The following PARD3B variants were observed in gnomAD, a reference collection of about 807,000 sequenced individuals.
The protein encoded by PARD3B is partitioning defective 3 homolog B.
Under a neutral mutation model 130.2 loss-of-function variants are expected in PARD3B, and 103 were observed. The observed-to-expected ratio is 0.79, with a 90% CI of 0.67 to 0.93. The LOEUF (loss-of-function observed/expected upper bound fraction) is 0.93. Ranked by LOEUF, PARD3B falls within the 40% of genes least tolerant of loss-of-function variation. PARD3B has a pLI of 0.00. For synonymous variants in PARD3B, 583 were observed against 553.2 expected, an observed-to-expected ratio of 1.05 and a Z score of -0.76; for missense variants, 1,609 against 1,499.2, an observed-to-expected ratio of 1.07 and a Z score of -1.21.
At chr2:204,554,283 G>A (rs968146206) in intron 1 of PARD3B, among the ~76,000 whole-genome samples, 5 of 152,012 alleles carry the variant, frequency 3.3e-5, no homozygotes, top group African/African-American at 1.2e-4. Context: ...TGTCTTCCCT[G>A]AACTGCCAGC....
chr2:205,416,961 G>T (rs1161546722), intron 19 of PARD3B, among the ~76,000 whole-genome samples: 3 of 151,952 alleles, frequency 2.0e-5, no homozygotes, highest in African/African-American at 7.3e-5. Context: ...TTAAGTTCTA[G>T]GGTACATGTG....
In PARD3B at chr2:205,550,972, TATATACACACACAC is replaced by T. The variant is rs1559207099; in HGVS notation, c.3181-2350_3181-2337del. On this transcript the variant is annotated intron_variant, in intron 21 of 22. Coordinates refer to ENST00000406610, the MANE Select transcript of PARD3B (RefSeq NM_001302769.2). This position sits in a 1 kb window ranked among gnomAD's most constrained non-coding sequence, Gnocchi z 4.5. ...ATATATGTGTATATATATATATATA[TATATACACACACAC>T]ACACACACACACACACATAATCTGT... 1.9e-5 allele frequency among the ~76,000 whole-genome samples: 2 copies of T among 103,594 alleles called. No individual in the cohort carries two copies. Among genetic ancestry groups the T allele is most frequent in the Admixed American group, 9.5e-5 (1 of 10,574 alleles). The allele number at this position is 103,594 out of a possible 152,430, so 68.0% of individuals were successfully genotyped here. A position where few individuals can be genotyped will look rare whatever the true frequency, so the allele number is the denominator to read the frequency against.
intron 2 of PARD3B, among the ~76,000 whole-genome samples, chr2:204,853,508 T>G (rs1195938157): frequency 6.6e-6 from 1 of 152,176 alleles, no homozygotes; most frequent in Admixed American, 6.5e-5. Context: ...CCACTTTCAT[T>G]ATACAGAATA....
intron 2 of PARD3B, among the ~76,000 whole-genome samples, chr2:204,925,740 A>G (rs1687562718): frequency 6.6e-6 from 1 of 152,010 alleles, no homozygotes; most frequent in Admixed American, 6.6e-5. Context: ...CCCTACTGAT[A>G]TGGTTTGGCT....
intron 22 of PARD3B, among the ~76,000 whole-genome samples, chr2:205,602,754 TTTC>T (rs1340387368): frequency 1.3e-5 from 2 of 152,098 alleles, no homozygotes; most frequent in South Asian, 2.1e-4. Context: ...TGAGTCTTCT[TTTC>T]TTCTTTATTA....
chr2:204,908,067 A>G (rs866156267), intron 2 of PARD3B, among the ~76,000 whole-genome samples: 13 of 152,260 alleles, frequency 8.5e-5, no homozygotes, highest in Non-Finnish European at 1.3e-4. Context: ...TACAAATTAC[A>G]TTGTTACCAG....
chr2:205,076,621 G>A (rs187347108), intron 4 of PARD3B, among the ~76,000 whole-genome samples: 12 of 152,236 alleles, frequency 7.9e-5, no homozygotes, highest in African/African-American at 1.9e-4. Context: ...CACTGCCTGC[G>A]CTCAGGCTCC....
intron 2 of PARD3B, among the ~76,000 whole-genome samples, chr2:204,900,957 T>C (rs1483101776): frequency 1.3e-5 from 2 of 152,114 alleles, no homozygotes; most frequent in African/African-American, 2.4e-5. Context: ...CTTCCCTTAT[T>C]TTCTCCCAAA....
At chr2:205,284,247 A>G (rs997019841) in intron 16 of PARD3B, among the ~76,000 whole-genome samples, 4 of 152,178 alleles carry the variant, frequency 2.6e-5, no homozygotes, top group Admixed American at 2.6e-4. Flanking sequence ...GAGGTTCATT[A>G]TCCTTTTCCA....
chr2:205,024,328 C>T (rs966394958), intron 3 of PARD3B, among the ~76,000 whole-genome samples: 1 of 151,550 alleles, frequency 6.6e-6, no homozygotes, highest in African/African-American at 2.4e-5. Context: ...CCCACCACAC[C>T]CGGCTAATTT....
chr2:205,368,265 ATT>A (rs2044681154), intron 18 of PARD3B, among the ~76,000 whole-genome samples: 1 of 152,210 alleles, frequency 6.6e-6, no homozygotes, highest in African/African-American at 2.4e-5. Flanking sequence ...AGGATTTTGT[ATT>A]TCCACTTGAA....
At chr2:204,861,924 CAA>C (rs60473341) in intron 2 of PARD3B, among the ~76,000 whole-genome samples, 2,221 of 33,890 alleles carry the variant, frequency 0.066, 16 homozygotes, top group East Asian at 0.23. Flanking sequence ...AGACATTTCT[CAA>C]AAAAAAAAAA....
intron 4 of PARD3B, among the ~76,000 whole-genome samples, chr2:205,088,334 T>A (rs1171766659): frequency 1.3e-5 from 2 of 152,220 alleles, no homozygotes; most frequent in African/African-American, 4.8e-5. Flanking sequence ...AGACTAGATC[T>A]AGATGCATGA....
intron 1 of PARD3B, among the ~76,000 whole-genome samples, chr2:204,658,758 A>G (rs1355275234): frequency 1.3e-5 from 2 of 152,174 alleles, no homozygotes; most frequent in African/African-American, 4.8e-5. Context: ...AGCTTCTAAT[A>G]TTAATAAAAA....
chr2:205,142,738 C>T lies in PARD3B; in HGVS notation c.1435-15984C>T, dbSNP rs1310835238. ...ACTAAAAATACAAAAATTAGCCAGG[C>T]GTGGTGGTGCGTGCCTGTAATCCCA... On this transcript the variant is annotated intron_variant, in intron 10 of 22. Coordinates refer to ENST00000406610, the MANE Select transcript of PARD3B (RefSeq NM_001302769.2). The surrounding 1 kb of genome is among the most constrained non-coding windows in gnomAD (Gnocchi z 4.3). Among the ~76,000 whole-genome samples the T allele has an allele frequency of 3.3e-5, 5 of 151,822 alleles. No homozygotes were observed. The highest frequency in any genetic ancestry group is 7.3e-5 in the African/African-American group (3 of 41,318).
chr2:204,599,525 T>A (rs2033424662), intron 1 of PARD3B, among the ~76,000 whole-genome samples: 1 of 152,016 alleles, frequency 6.6e-6, no homozygotes, highest in Admixed American at 6.6e-5. Context: ...GATTTTATCC[T>A]TTTTTATGGC....
At chr2:205,361,801 C>G (rs1314304634) in intron 18 of PARD3B, among the ~76,000 whole-genome samples, 1 of 151,626 alleles carries the variant, frequency 6.6e-6, no homozygotes, top group Non-Finnish European at 1.5e-5. Context: ...TTACTCTCCT[C>G]TTTAAAGTCC....
chr2:205,193,650 C>A (rs1025291780), intron 15 of PARD3B, among the ~76,000 whole-genome samples: 2 of 152,206 alleles, frequency 1.3e-5, no homozygotes, highest in Admixed American at 1.3e-4. Flanking sequence ...TTTGCACCCT[C>A]GCTTCTGCCA....
chr2:205,534,983 T>C (rs1447292551), intron 21 of PARD3B, among the ~76,000 whole-genome samples: 1 of 152,108 alleles, frequency 6.6e-6, no homozygotes, highest in Admixed American at 6.5e-5. Context: ...ATTCACAAAT[T>C]TGTTCAAAAT....
Sources: gnomAD v4.1 joint callset for allele counts (sites outside exome capture counted in the v4.1 genomes callset) on GRCh38, gnomAD v4.1.1 for gene constraint, Gnocchi (gnomAD v3.1) non-coding constraint, MANE v1.5 for transcripts, NCBI Gene and HGNC (gene_info 2026-07-23, HGNC 2026-07-21) for gene names.